Variants in C8orf76 observed in about 807,000 individuals in gnomAD.
The protein encoded by C8orf76 is uncharacterized protein C8orf76.
C8orf76 carries 46 observed loss-of-function variants against 38.1 expected under a neutral mutation model. The observed-to-expected ratio is 1.21, with a 90% CI of 0.95 to 1.54. C8orf76 has a LOEUF of 1.54. Ranked by LOEUF, C8orf76 falls within the 40% of genes most tolerant of loss-of-function variation. The pLI is 0.00. For synonymous variants in C8orf76, 166 were observed against 167.5 expected (o/e 0.99, Z 0.07); for missense variants, 461 against 441.6 (o/e 1.04, Z -0.39).
intron 4 of C8orf76, among the ~76,000 whole-genome samples, chr8:123,227,176 C>T (rs1365485575): frequency 1.3e-5 from 2 of 152,120 alleles, no homozygotes; most frequent in Non-Finnish European, 2.9e-5. Flanking sequence ...CTCTGCGATA[C>T]CTTACCACTG....
intron 1 of C8orf76, 89 bp downstream of exon 1, chr8:123,241,141 G>C (rs565874927): frequency 2.6e-4 from 349 of 1,335,506 alleles, no homozygotes; most frequent in Non-Finnish European, 3.3e-4. Flanking sequence ...TTGCGTTCGC[G>C]CGGACGGAGG....
chr8:123,236,347 A>G (rs1294295063), intron 3 of C8orf76, among the ~76,000 whole-genome samples: 1 of 152,206 alleles, frequency 6.6e-6, no homozygotes, highest in African/African-American at 2.4e-5. Context: ...ATTCCCATAT[A>G]AAATTTACAC....
intron 3 of C8orf76, among the ~76,000 whole-genome samples, chr8:123,235,785 C>A (rs1280292746): frequency 2.8e-4 from 43 of 152,138 alleles, no homozygotes; most frequent in Admixed American, 2.6e-3. Context: ...GATGACCCAA[C>A]CCCTGCCAGG....
At chr8:123,228,437 T>C (rs750069733) in intron 4 of C8orf76, among the ~76,000 whole-genome samples, 1 of 152,108 alleles carries the variant, frequency 6.6e-6, no homozygotes, top group Non-Finnish European at 1.5e-5. Flanking sequence ...CTGACCAACA[T>C]GGAGAAATCC....
At chr8:123,226,077 G>T in intron 5 of C8orf76, 1 of 908,896 alleles carries the variant, frequency 1.1e-6, no homozygotes. Context: ...CTCTCCCACT[G>T]AAAATCTGAC....
chr8:123,237,047 C>A (rs1825519603), intron 3 of C8orf76: 2 of 1,340,036 alleles, frequency 1.5e-6, no homozygotes, highest in African/African-American at 2.9e-5. Flanking sequence ...CCTGGTGCTG[C>A]GCCTGCGAGG....
chr8:123,228,714 C>T (rs150909051), intron 4 of C8orf76, among the ~76,000 whole-genome samples: 2 of 152,078 alleles, frequency 1.3e-5, no homozygotes, highest in South Asian at 4.2e-4. Flanking sequence ...TTCAGGCCTT[C>T]GGCACAAAGA....
intron 3 of C8orf76, among the ~76,000 whole-genome samples, chr8:123,232,477 TA>T (rs1438320934): frequency 1.3e-5 from 2 of 152,370 alleles, no homozygotes; most frequent in South Asian, 4.1e-4. Context: ...CTGCTTTTTG[TA>T]AGTTGAAGTT....
At chr8:123,226,194 GCATT>G in intron 5 of C8orf76, 9 of 1,193,510 alleles carry the variant, frequency 7.5e-6, no homozygotes, top group South Asian at 4.8e-5. Context: ...ACAAATGTAA[GCATT>G]CATTCATTCA....
At chr8:123,235,621 G>T (rs890005444) in intron 3 of C8orf76, among the ~76,000 whole-genome samples, 1 of 152,184 alleles carries the variant, frequency 6.6e-6, no homozygotes, top group East Asian at 1.9e-4. Flanking sequence ...TTGCCAGGAC[G>T]CCTGATGCAC....
intron 1 of C8orf76, 94 bp from the exon 2 acceptor site, chr8:123,239,238 C>A: frequency 7.5e-7 from 1 of 1,332,526 alleles, no homozygotes. Context: ...GATTAAACGT[C>A]AAAAAAAGAC....
intron 5 of C8orf76, among the ~76,000 whole-genome samples, chr8:123,222,929 T>TA (rs1824928703): frequency 1.3e-5 from 2 of 152,350 alleles, no homozygotes; most frequent in South Asian, 4.1e-4. Context: ...TTCTAAATGA[T>TA]AATTTGGAAA....
At chr8:123,229,312 T>C (rs1202692878) in intron 4 of C8orf76, among the ~76,000 whole-genome samples, 1 of 152,230 alleles carries the variant, frequency 6.6e-6, no homozygotes, top group African/African-American at 2.4e-5. Flanking sequence ...TGGGAATGAT[T>C]TTAATAGTTT....
intron 2 of C8orf76, among the ~76,000 whole-genome samples, chr8:123,238,374 T>C (rs1385337706): frequency 6.6e-6 from 1 of 152,160 alleles, no homozygotes; most frequent in Non-Finnish European, 1.5e-5. Context: ...TCCCCAGCCA[T>C]GTAGAACTGT....
chr8:123,233,570 A>T (rs1825352899), intron 3 of C8orf76, among the ~76,000 whole-genome samples: 1 of 149,578 alleles, frequency 6.7e-6, no homozygotes, highest in African/African-American at 2.5e-5. Flanking sequence ...AGTTTTTAAA[A>T]TTGTTATTAG....
intron 1 of C8orf76, 54 bp from the exon 2 acceptor site, chr8:123,239,198 T>C: frequency 6.4e-7 from 1 of 1,556,250 alleles, no homozygotes; most frequent in Non-Finnish European, 8.8e-7. Context: ...TTCCACCTCA[T>C]ATTCAGAAGC....
chr8:123,223,436 C>T (rs1824940183), intron 5 of C8orf76, among the ~76,000 whole-genome samples: 1 of 152,054 alleles, frequency 6.6e-6, no homozygotes, highest in South Asian at 2.1e-4. Flanking sequence ...GGTGAAAGCC[C>T]TTCTCTACTA....
intron 3 of C8orf76, chr8:123,236,905 G>T (rs991744683): frequency 8.8e-7 from 1 of 1,138,080 alleles, no homozygotes; most frequent in East Asian, 2.3e-5. Flanking sequence ...TTGAGATCGA[G>T]CCCAGCAACG....
In C8orf76 at chr8:123,226,307, G is replaced by A. The variant is rs972591987; in HGVS notation, c.948+193C>T. On this transcript the variant is annotated intron_variant, in intron 5 of 5. Transcript: ENST00000276704. ...CAAGTACATGAAACACAGCCCCTGCGGTCCCGCACGCTGCAGGGGAATGCC... is the reference window on the plus strand; with the variant it reads ...CAAGTACATGAAACACAGCCCCTGCAGTCCCGCACGCTGCAGGGGAATGCC... 3.5e-6 allele frequency: 5 copies of A among 1,411,672 alleles called. No homozygotes were observed. In the South Asian group the frequency reaches 4.9e-5, roughly 14 times the overall value. The allele number at this position is 1,411,672 out of a possible 1,614,324, so 87.4% of individuals were successfully genotyped here.
Sources: gnomAD v4.1 joint callset for allele counts (sites outside exome capture counted in the v4.1 genomes callset) on GRCh38, gnomAD v4.1.1 for gene constraint, MANE v1.5 for transcripts, NCBI Gene and HGNC (gene_info 2026-07-23, HGNC 2026-07-21) for gene names.